Variants in CACNA2D3 observed in about 807,000 individuals in gnomAD.
The protein encoded by CACNA2D3 is voltage-dependent calcium channel subunit alpha-2/delta-3.
In CACNA2D3, 60 loss-of-function variants were observed where a neutral mutation model predicts 160.6. The ratio of observed to expected loss-of-function variants is 0.37; its 90% CI spans 0.30 to 0.46. CACNA2D3 has a LOEUF of 0.46. Ranked by LOEUF, CACNA2D3 falls within the 20% of genes least tolerant of loss-of-function variation. The probability of loss-of-function intolerance (pLI) is 1.00; values close to 1 mark genes in which losing one functional copy is unlikely to be tolerated. For missense variants in CACNA2D3, 1,205 were observed against 1,365.0 expected (o/e 0.88, Z 1.85); for synonymous variants, 558 against 492.9 (o/e 1.13, Z -1.75).
chr3:54,544,784 G>A (rs1260539342), intron 5 of CACNA2D3, among the ~76,000 whole-genome samples: 2 of 152,074 alleles, frequency 1.3e-5, no homozygotes, highest in East Asian at 3.8e-4. Flanking sequence ...ATGAGTAACA[G>A]AGTTTTCAGT....
rs1198252683 is a variant in CACNA2D3 at position 54,646,731 on chromosome 3, T to C, written c.1167+4490T>C. ...GCAGTGAACATACACATGCATGTTA[T>C]CTTTATAATAGAATGATTTATATTC... On this transcript the variant is annotated intron_variant, in intron 11 of 37. Coordinates refer to ENST00000474759, the MANE Select transcript of CACNA2D3 (RefSeq NM_018398.3). Among the ~76,000 whole-genome samples, 5 of 152,224 alleles carry C rather than the reference T, an allele frequency of 3.3e-5. No homozygotes were observed. The East Asian group carries it at 9.6e-4, about 29-fold the overall frequency.
chr3:54,580,130 T>G (rs895300055), intron 8 of CACNA2D3, among the ~76,000 whole-genome samples: 10 of 152,034 alleles, frequency 6.6e-5, no homozygotes, highest in African/African-American at 2.4e-4. Context: ...AAGTCGATCA[T>G]TTTTGCCGTG....
intron 5 of CACNA2D3, among the ~76,000 whole-genome samples, chr3:54,538,405 G>A (rs943073064): frequency 5.3e-5 from 8 of 152,116 alleles, no homozygotes; most frequent in African/African-American, 1.4e-4. Flanking sequence ...CTCCTCCAGC[G>A]TCCCTTGGGG....
In CACNA2D3 at chr3:54,567,769, C is replaced by T. The variant is rs1288371962; in HGVS notation, c.677-2026C>T. ...CAGGCTGGTCTTTAACTCTTCACCT[C>T]ATGATCCACCTTGGCCTCCCAAAGT... On this transcript the variant is annotated intron_variant, in intron 6 of 37. Coordinates refer to ENST00000474759, the MANE Select transcript of CACNA2D3 (RefSeq NM_018398.3). Among the ~76,000 whole-genome samples, 10 of 152,306 alleles carry T rather than the reference C, an allele frequency of 6.6e-5. No homozygotes were observed. The East Asian group carries it at 1.5e-3, about 24-fold the overall frequency.
intron 4 of CACNA2D3, among the ~76,000 whole-genome samples, chr3:54,430,923 C>T (rs1296670065): frequency 6.6e-6 from 1 of 152,130 alleles, no homozygotes; most frequent in Non-Finnish European, 1.5e-5. Context: ...TACTAGTCTC[C>T]TTTTGACCAG....
chr3:54,763,373 T>A (rs1480400411), intron 12 of CACNA2D3, among the ~76,000 whole-genome samples: 1 of 152,040 alleles, frequency 6.6e-6, no homozygotes, highest in East Asian at 1.9e-4. Context: ...AAATATGTTG[T>A]CACAAAGAAA....
intron 4 of CACNA2D3, among the ~76,000 whole-genome samples, chr3:54,394,151 A>G (rs2106681494): frequency 6.6e-6 from 1 of 151,886 alleles, no homozygotes; most frequent in South Asian, 2.1e-4. Flanking sequence ...TCGTCAGAGC[A>G]CCCCTTCTTC....
At chr3:54,687,121 CTTTTTTTTTTTTTGTTT>C (rs780272682) in intron 11 of CACNA2D3, among the ~76,000 whole-genome samples, 1 of 94,934 alleles carries the variant, frequency 1.1e-5, no homozygotes, top group Non-Finnish European at 2.1e-5. Flanking sequence ...TTTTCTTTTT[CTTTTTTTTTTTTTGTTT>C]TTTTTTTTTT....
At chr3:54,653,077 C>T (rs754634769) in intron 11 of CACNA2D3, among the ~76,000 whole-genome samples, 2 of 152,060 alleles carry the variant, frequency 1.3e-5, no homozygotes, top group South Asian at 2.1e-4. Flanking sequence ...GCCACCGTGC[C>T]GGACATATGG....
chr3:54,156,780 A>G (rs1172941810), intron 2 of CACNA2D3, among the ~76,000 whole-genome samples: 2 of 152,222 alleles, frequency 1.3e-5, no homozygotes, highest in African/African-American at 4.8e-5. Flanking sequence ...GGATCCTCCA[A>G]CGTCATTTAG....
intron 9 of CACNA2D3, among the ~76,000 whole-genome samples, chr3:54,588,588 T>C (rs943064532): frequency 1.3e-5 from 2 of 152,066 alleles, no homozygotes; most frequent in African/African-American, 4.8e-5. Flanking sequence ...CTAGAACTAA[T>C]AAGAGAGCTC....
intron 2 of CACNA2D3, among the ~76,000 whole-genome samples, chr3:54,291,822 A>G (rs1004783593): frequency 2.0e-5 from 3 of 152,196 alleles, no homozygotes; most frequent in African/African-American, 7.2e-5. Flanking sequence ...ATTTACATTG[A>G]TTCACTCATT....
chr3:54,870,180 G>T (rs950423030), intron 17 of CACNA2D3, among the ~76,000 whole-genome samples: 6 of 152,102 alleles, frequency 3.9e-5, no homozygotes, highest in African/African-American at 1.4e-4. Flanking sequence ...GTGCAAGATC[G>T]ACCCCTTCTG....
At chr3:54,961,753 G>A (rs186823732) in intron 27 of CACNA2D3, among the ~76,000 whole-genome samples, 171 of 152,296 alleles carry the variant, frequency 1.1e-3, no homozygotes, top group African/African-American at 3.9e-3. Context: ...TCCTGAGTAT[G>A]CATGAATGAT....
intron 17 of CACNA2D3, among the ~76,000 whole-genome samples, chr3:54,856,307 G>A (rs1699169528): frequency 6.6e-6 from 1 of 152,194 alleles, no homozygotes. Flanking sequence ...GGTAGCTAGG[G>A]AAGGCTGCAG....
At chr3:54,914,497 T>C (rs1700620464) in intron 27 of CACNA2D3, among the ~76,000 whole-genome samples, 1 of 152,314 alleles carries the variant, frequency 6.6e-6, no homozygotes, top group South Asian at 2.1e-4. Context: ...CATCCTATCC[T>C]GTCCACCCAA....
chr3:54,653,342 C>T (rs1170561627), intron 11 of CACNA2D3, among the ~76,000 whole-genome samples: 1 of 152,192 alleles, frequency 6.6e-6, no homozygotes, highest in African/African-American at 2.4e-5. Flanking sequence ...TTTCTCTCTT[C>T]TCTTTTTCCC....
chr3:54,401,794 T>G (rs971797229), intron 4 of CACNA2D3, among the ~76,000 whole-genome samples: 1 of 152,140 alleles, frequency 6.6e-6, no homozygotes, highest in African/African-American at 2.4e-5. Context: ...GAATTACTAA[T>G]GTAACAACAT....
At chr3:54,134,310 A>G (rs1180029649) in intron 2 of CACNA2D3, among the ~76,000 whole-genome samples, 3 of 152,056 alleles carry the variant, frequency 2.0e-5, no homozygotes, top group Admixed American at 6.5e-5. Context: ...GAAGGCTGGT[A>G]AGCTAGACCT....
Sources: allele counts gnomAD v4.1 joint callset (sites outside exome capture counted in the v4.1 genomes callset), GRCh38; gene constraint gnomAD v4.1.1; transcripts MANE v1.5; gene names NCBI Gene and HGNC (gene_info 2026-07-23, HGNC 2026-07-21).